The following LANCL2 variants were observed in gnomAD, a reference collection of about 807,000 sequenced individuals.
The protein encoded by LANCL2 is lanC-like protein 2.
A neutral mutation model predicts 56.9 loss-of-function variants in LANCL2; 33 were observed. That is an observed-to-expected ratio of 0.58 (90% CI 0.44 to 0.78). The LOEUF (loss-of-function observed/expected upper bound fraction) is 0.78. LANCL2 is among the 30% of genes least tolerant of loss of function. The pLI is 0.00. For missense variants in LANCL2, 562 were observed against 580.2 expected (o/e 0.97, Z 0.32); for synonymous variants, 233 against 228.2 (o/e 1.02, Z -0.19).
intron 1 of LANCL2, among the ~76,000 whole-genome samples, chr7:55,389,508 A>G (rs1039726154): frequency 6.6e-6 from 1 of 152,232 alleles, no homozygotes; most frequent in South Asian, 2.1e-4. Flanking sequence ...ACTGTGTGAA[A>G]TGTCCCATAA....
At chr7:55,397,656 C>CTTTTTTTTT (rs10659615) in intron 2 of LANCL2, among the ~76,000 whole-genome samples, 8 of 108,846 alleles carry the variant, frequency 7.3e-5, no homozygotes, top group Non-Finnish European at 1.1e-4. Flanking sequence ...TATACTGATT[C>CTTTTTTTTT]TTTTTTTTTT....
At chr7:55,376,505 A>G (rs1790004509) in intron 1 of LANCL2, among the ~76,000 whole-genome samples, 2 of 152,294 alleles carry the variant, frequency 1.3e-5, no homozygotes, top group South Asian at 4.1e-4. Context: ...TAGGTCCACC[A>G]GGAAGCCCCC....
At position 55,365,963 on chromosome 7, in the gene LANCL2, G is replaced by T. The variant is rs1055790628; in HGVS notation, c.-63G>T. ...GCGGGCCCTCGGAGGAGGCGGCGGC[G>T]GGGCGAGCTGCAGCGCCGGGACAGG... On this transcript the variant is annotated 5_prime_UTR_variant, in exon 1 of 9. Coordinates refer to ENST00000254770, the MANE Select transcript of LANCL2 (RefSeq NM_018697.4). 3.9e-6 allele frequency: 5 copies of T among 1,284,496 alleles called. No homozygotes were observed. In the East Asian group the frequency reaches 1.2e-4, roughly 32 times the overall value. 79.6% of individuals were successfully genotyped at this position (1,284,496 alleles called of 1,614,324 possible).
chr7:55,387,770 A>T (rs146892888), intron 1 of LANCL2, among the ~76,000 whole-genome samples: 2 of 152,200 alleles, frequency 1.3e-5, no homozygotes, highest in Admixed American at 6.5e-5. Flanking sequence ...CGTTTATGAC[A>T]TACTTGGACT....
At position 55,399,937 on chromosome 7, in the gene LANCL2, T is replaced by C; in HGVS notation, c.531-20T>C. On this transcript the variant is annotated intron_variant, in intron 3 of 8. Coordinates refer to ENST00000254770, the MANE Select transcript of LANCL2 (RefSeq NM_018697.4). ...CTTTAGACTTCCACTGGGAAAAAAT[T>C]AATTTTTCTTATTGGTTAGACTTTT... 3 of 1,597,300 alleles carry C rather than the reference T, an allele frequency of 1.9e-6. No individual in the cohort carries two copies. The highest frequency in any genetic ancestry group is 2.6e-6 in the Non-Finnish European group (3 of 1,167,716).
In LANCL2 at chr7:55,412,069, A is replaced by C. The variant is rs1319614414; in HGVS notation, c.988A>C (p.Met330Leu). The change falls in exon 6 of 9, where the codon ATG (methionine) becomes CTG (leucine). Residue 330 changes from methionine to leucine, a missense_variant. This residue lies in a region of LANCL2 where 378 missense variants were observed against 468.4 expected (regional missense o/e 0.81). Transcript: ENST00000254770. ...CCACGGCGCCCCGGGGGTCATCCAC[A>C]TGCTCATGCAGGCGTACAAGGTCAG... The part of the protein sequence containing the change: ...WCHGAPGVIH[M>L]LMQAYKVFKE... 1 of 1,613,972 alleles carries C rather than the reference A, an allele frequency of 6.2e-7. No homozygotes were observed. Among genetic ancestry groups the C allele is most frequent in the Non-Finnish European group, 8.5e-7 (1 of 1,179,958 alleles).
chr7:55,384,881 C>T (rs576501624), intron 1 of LANCL2, among the ~76,000 whole-genome samples: 1 of 152,210 alleles, frequency 6.6e-6, no homozygotes, highest in East Asian at 1.9e-4. Flanking sequence ...TCACCACCAC[C>T]ATGTAAAATA....
chr7:55,380,335 A>G (rs930944029), intron 1 of LANCL2, among the ~76,000 whole-genome samples: 1 of 152,112 alleles, frequency 6.6e-6, no homozygotes, highest in Non-Finnish European at 1.5e-5. Context: ...CAATGACTTA[A>G]AAATGTAGAC....
intron 6 of LANCL2, among the ~76,000 whole-genome samples, chr7:55,419,207 TTG>T (rs1360430953): frequency 1.3e-5 from 2 of 152,116 alleles, no homozygotes; most frequent in East Asian, 3.8e-4. Context: ...GCTTAAATGT[TTG>T]TGGGAAAATT....
At chr7:55,424,207 G>T (rs555601054) in intron 6 of LANCL2, among the ~76,000 whole-genome samples, 1 of 152,332 alleles carries the variant, frequency 6.6e-6, no homozygotes, top group Admixed American at 6.5e-5. Flanking sequence ...AACAGTACAT[G>T]GCCTGTGAGG....
At chr7:55,430,771 A>AC (rs1790718729) in intron 8 of LANCL2, among the ~76,000 whole-genome samples, 2 of 151,956 alleles carry the variant, frequency 1.3e-5, no homozygotes, top group African/African-American at 4.8e-5. Context: ...CTAGTTGAAA[A>AC]CCCACTGCTC....
At chr7:55,397,959 GA>G (rs201613404) in intron 2 of LANCL2, among the ~76,000 whole-genome samples, 8 of 149,204 alleles carry the variant, frequency 5.4e-5, no homozygotes, top group Non-Finnish European at 7.4e-5. Flanking sequence ...GGGAAAAATA[GA>G]AAAAAAAATA....
In LANCL2 at chr7:55,432,653, T is replaced by C. The variant is rs886711314; in HGVS notation, c.*1333T>C. The C allele has an allele frequency of 2.0e-5, 3 of 152,168 alleles. No homozygotes were observed. Among genetic ancestry groups the C allele is most frequent in the African/African-American group, 7.2e-5 (3 of 41,438 alleles). The allele number at this position is 152,168 out of a possible 1,614,324, so 9.4% of individuals were successfully genotyped here. ...AGGCCTGAGCATTTCCCAGCCCCAG[T>C]GTCCACACCTCTCAGAAAAGAGAAA... On this transcript the variant is annotated 3_prime_UTR_variant, in exon 9 of 9. Transcript: ENST00000254770.
At chr7:55,422,733 T>C (rs919929981) in intron 6 of LANCL2, among the ~76,000 whole-genome samples, 1 of 152,260 alleles carries the variant, frequency 6.6e-6, no homozygotes, top group African/African-American at 2.4e-5. Flanking sequence ...ATTTTACCTA[T>C]TGATGTTTTC....
intron 1 of LANCL2, among the ~76,000 whole-genome samples, chr7:55,375,377 C>T (rs1234981305): frequency 6.6e-6 from 1 of 152,180 alleles, no homozygotes; most frequent in African/African-American, 2.4e-5. Flanking sequence ...CAGGAATGCC[C>T]ATGGCATTCT....
At chr7:55,383,632 G>GA (rs1158772276) in intron 1 of LANCL2, among the ~76,000 whole-genome samples, 1 of 152,036 alleles carries the variant, frequency 6.6e-6, no homozygotes, top group African/African-American at 2.4e-5. Flanking sequence ...TTTATTACAA[G>GA]AAAAAAACAG....
intron 5 of LANCL2, among the ~76,000 whole-genome samples, chr7:55,406,474 A>C (rs558997284): frequency 1.2e-4 from 19 of 152,274 alleles, no homozygotes; most frequent in African/African-American, 4.6e-4. Context: ...AGAAAGCCTC[A>C]TGGGGTCAGC....
chr7:55,384,492 C>G (rs984778145), intron 1 of LANCL2, among the ~76,000 whole-genome samples: 1 of 152,046 alleles, frequency 6.6e-6, no homozygotes, highest in Non-Finnish European at 1.5e-5. Flanking sequence ...GCGGAGCTTG[C>G]AGTGAGTCAA....
chr7:55,372,902 C>T (rs1035330672), intron 1 of LANCL2, among the ~76,000 whole-genome samples: 6 of 152,138 alleles, frequency 3.9e-5, no homozygotes, highest in Non-Finnish European at 8.8e-5. Context: ...GAATTCCATA[C>T]ACATACATTC....
Sources: gnomAD v4.1 joint callset for allele counts (sites outside exome capture counted in the v4.1 genomes callset) on GRCh38, gnomAD v4.1.1 for gene constraint, gnomAD v4.1.1 regional missense constraint, MANE v1.5 for transcripts, NCBI Gene and HGNC (gene_info 2026-07-23, HGNC 2026-07-21) for gene names.